The following UPB1 variants were observed in gnomAD, a reference collection of about 807,000 sequenced individuals.
UPB1 encodes the protein beta-ureidopropionase.
Under a neutral mutation model 49.1 loss-of-function variants are expected in UPB1, and 40 were observed. The observed-to-expected ratio is 0.81, with a 90% CI of 0.63 to 1.06. The LOEUF is 1.06. UPB1 is among the 50% of genes least tolerant of loss of function. UPB1 has a pLI of 0.00. For synonymous variants in UPB1, 207 were observed against 198.2 expected (o/e 1.04, Z -0.38); for missense variants, 499 against 505.9 (o/e 0.99, Z 0.13).
chr22:24,502,542 T>A, intron 3 of UPB1: 1 of 779,302 alleles, frequency 1.3e-6, no homozygotes, highest in Non-Finnish European at 2.4e-6. Flanking sequence ...GACCAGGACT[T>A]CTTTACCTTC....
At chr22:24,521,015 TCTA>T (rs1026456889) in intron 7 of UPB1, among the ~76,000 whole-genome samples, 1 of 151,954 alleles carries the variant, frequency 6.6e-6, no homozygotes, top group African/African-American at 2.4e-5. Flanking sequence ...AAACCCTGTC[TCTA>T]CTAAAAATAT....
At chr22:24,505,319 T>C (rs921062041) in intron 3 of UPB1, among the ~76,000 whole-genome samples, 1 of 152,232 alleles carries the variant, frequency 6.6e-6, no homozygotes, top group Non-Finnish European at 1.5e-5. Context: ...ATTTTAAGAA[T>C]TGGGGATTAA....
intron 5 of UPB1, among the ~76,000 whole-genome samples, chr22:24,514,323 G>A (rs1295442124): frequency 6.6e-6 from 1 of 152,116 alleles, no homozygotes; most frequent in Non-Finnish European, 1.5e-5. Flanking sequence ...CTGGAGGTGG[G>A]GGTGGGAAGA....
intron 2 of UPB1, among the ~76,000 whole-genome samples, chr22:24,501,202 C>T (rs901355779): frequency 3.9e-5 from 6 of 152,126 alleles, no homozygotes; most frequent in Non-Finnish European, 7.4e-5. Context: ...TGTGTGTTTG[C>T]GGGGCTGATG....
At chr22:24,499,316 G>A (rs1021175856) in intron 1 of UPB1, among the ~76,000 whole-genome samples, 2 of 152,148 alleles carry the variant, frequency 1.3e-5, no homozygotes, top group African/African-American at 2.4e-5. Context: ...ATCATCTTGC[G>A]CTTAGATGGT....
chr22:24,500,059 A>T, intron 1 of UPB1, 48 bp from the exon 2 acceptor site: 2 of 1,612,376 alleles, frequency 1.2e-6, no homozygotes, highest in Non-Finnish European at 1.7e-6. Context: ...TTTTAAGTGG[A>T]GCAGACTGCA....
intron 1 of UPB1, among the ~76,000 whole-genome samples, chr22:24,497,666 A>C (rs1221049425): frequency 6.6e-6 from 1 of 152,212 alleles, no homozygotes; most frequent in African/African-American, 2.4e-5. Context: ...TACAGGGACC[A>C]GGGCAGGCAG....
At chr22:24,497,237 A>G (rs1448991232) in intron 1 of UPB1, among the ~76,000 whole-genome samples, 1 of 152,226 alleles carries the variant, frequency 6.6e-6, no homozygotes, top group Non-Finnish European at 1.5e-5. Flanking sequence ...GTAGGAAAAT[A>G]GGAAAGAGAC....
intron 6 of UPB1, among the ~76,000 whole-genome samples, chr22:24,515,817 A>T (rs2044284428): frequency 6.6e-6 from 1 of 152,106 alleles, no homozygotes. Context: ...CTCTACTAAA[A>T]ATACAAAAAT....
chr22:24,500,452 G>A (rs757938398), intron 2 of UPB1, among the ~76,000 whole-genome samples, 174 bp downstream of exon 2: 12 of 152,222 alleles, frequency 7.9e-5, no homozygotes, highest in Non-Finnish European at 1.6e-4. Flanking sequence ...CTGCATCTCT[G>A]GCTCTTCTGT....
chr22:24,500,795 G>A lies in UPB1; in HGVS notation c.276+517G>A, dbSNP rs928729742. 2.6e-5 allele frequency among the ~76,000 whole-genome samples: 4 copies of A among 152,330 alleles called. No individual in the cohort carries two copies. The South Asian group carries it at 8.3e-4, about 32-fold the overall frequency. ...TAGTAAATAAAGGTGACAGCATCTTGTATCTCCCTAAAGAAACATGTTGTC... is the reference window on the plus strand; with the variant it reads ...TAGTAAATAAAGGTGACAGCATCTTATATCTCCCTAAAGAAACATGTTGTC... On this transcript the variant is annotated intron_variant, in intron 2 of 9. Coordinates refer to ENST00000326010, the MANE Select transcript of UPB1 (RefSeq NM_016327.3).
rs2044088948 is a variant in UPB1, at chr22:24,506,241, G to A, written c.364+4028G>A. Among the ~76,000 whole-genome samples the A allele has an allele frequency of 2.0e-5, 3 of 151,838 alleles. No individual in the cohort carries two copies. In the South Asian group the frequency reaches 6.2e-4, roughly 32 times the overall value. ...TCACCATGTTGGCCAGGCTGGTCTC[G>A]AATTCCTGACCTCAGGTGATCCGCC... On this transcript the variant is annotated intron_variant, in intron 3 of 9. Coordinates refer to ENST00000326010, the MANE Select transcript of UPB1 (RefSeq NM_016327.3).
chr22:24,498,081 G>A (rs568551188), intron 1 of UPB1, among the ~76,000 whole-genome samples: 1 of 152,316 alleles, frequency 6.6e-6, no homozygotes, highest in Non-Finnish European at 1.5e-5. Context: ...AGGTGCCACA[G>A]CAGATCTGGT....
intron 1 of UPB1, among the ~76,000 whole-genome samples, chr22:24,496,227 C>T (rs2043872682): frequency 6.6e-6 from 1 of 152,072 alleles, no homozygotes; most frequent in Admixed American, 6.6e-5. Flanking sequence ...AAAAAATAGC[C>T]AAGCATGGTA....
chr22:24,521,863 T>TA (rs1422840715), intron 7 of UPB1, 123 bp from the exon 8 acceptor site: 1 of 999,700 alleles, frequency 1.0e-6, no homozygotes, highest in African/African-American at 1.6e-5. Flanking sequence ...CAGCTCACCT[T>TA]AACTGTTTCC....
chr22:24,525,840 A>C lies in UPB1; in HGVS notation c.*46A>C. 3 of 1,609,656 alleles carry C rather than the reference A, an allele frequency of 1.9e-6. No homozygotes were observed. The highest frequency in any genetic ancestry group is 2.6e-6 in the Non-Finnish European group (3 of 1,176,082). ...GGGGTGAGGAAGACACCTCTGCCCC[A>C]GTGGATTAGCAAGTGTGGCAGGCTT... On this transcript the variant is annotated 3_prime_UTR_variant, in exon 10 of 10. Coordinates refer to ENST00000326010, the MANE Select transcript of UPB1 (RefSeq NM_016327.3).
chr22:24,526,245 G>T lies in UPB1; in HGVS notation c.*451G>T. On this transcript the variant is annotated 3_prime_UTR_variant, in exon 10 of 10. Transcript: ENST00000326010. ...GATGGTCTTTGGATGTGTCAGCTTA[G>T]CTAGGCCACAGTCACCAGTAATTCA... 2.3e-5 allele frequency: 6 copies of T among 258,422 alleles called. No individual in the cohort carries two copies. Among genetic ancestry groups the T allele is most frequent in the East Asian group, 9.8e-5 (1 of 10,184 alleles). The allele number at this position is 258,422 out of a possible 1,614,324, so 16.0% of individuals were successfully genotyped here. A position where few individuals can be genotyped will look rare whatever the true frequency, so the allele number is the denominator to read the frequency against.
chr22:24,513,306 T>A lies in UPB1; in HGVS notation c.460-18T>A. On this transcript the variant is annotated intron_variant, in intron 4 of 9. Coordinates refer to ENST00000326010, the MANE Select transcript of UPB1 (RefSeq NM_016327.3). ...TTGGTTTATAAGTGGGACTCTGCCA[T>A]ATTTATCATTTTTCCAGCTGGCGAA... 1 of 1,614,124 alleles carries A rather than the reference T, an allele frequency of 6.2e-7. No individual in the cohort carries two copies. Among genetic ancestry groups the A allele is most frequent in the East Asian group, 2.2e-5 (1 of 44,880 alleles).
intron 9 of UPB1, among the ~76,000 whole-genome samples, chr22:24,524,999 C>CTCCTCT (rs1178168978): frequency 6.6e-6 from 1 of 152,160 alleles, no homozygotes; most frequent in Non-Finnish European, 1.5e-5. Flanking sequence ...TGACCTCTCT[C>CTCCTCT]TCCTCTTCCT....
Sources: gnomAD v4.1 joint callset for allele counts (sites outside exome capture counted in the v4.1 genomes callset) on GRCh38, gnomAD v4.1.1 for gene constraint, MANE v1.5 for transcripts, NCBI Gene and HGNC (gene_info 2026-07-23, HGNC 2026-07-21) for gene names.